Variants in MACROD2 observed in about 807,000 individuals in gnomAD.
The protein encoded by MACROD2 is mono-ADP ribosylhydrolase 2.
A neutral mutation model predicts 70.4 loss-of-function variants in MACROD2; 36 were observed. The observed-to-expected ratio is 0.51, with a 90% CI of 0.39 to 0.68. The LOEUF (loss-of-function observed/expected upper bound fraction) is 0.68. MACROD2 is among the 30% of genes least tolerant of loss of function. MACROD2 has a pLI of 0.00. For missense variants in MACROD2, 496 were observed against 538.4 expected, an observed-to-expected ratio of 0.92 and a Z score of 0.78; for synonymous variants, 172 against 178.8, an observed-to-expected ratio of 0.96 and a Z score of 0.30.
chr20:15,752,346 G>A (rs149193727), intron 8 of MACROD2, among the ~76,000 whole-genome samples: 230 of 152,020 alleles, frequency 1.5e-3, no homozygotes, highest in African/African-American at 5.1e-3. Context: ...GGGAAGAAAA[G>A]GTTAGTCTAT....
intron 9 of MACROD2, among the ~76,000 whole-genome samples, chr20:15,871,144 C>T (rs184896418): frequency 6.9e-6 from 1 of 144,836 alleles, no homozygotes; most frequent in African/African-American, 2.6e-5. Flanking sequence ...CCATTGCACT[C>T]CAGTCTGGGT....
intron 15 of MACROD2, among the ~76,000 whole-genome samples, chr20:16,022,820 GAGACCTGT>G (rs1286837596): frequency 1.3e-5 from 2 of 152,178 alleles, no homozygotes; most frequent in African/African-American, 2.4e-5. Context: ...TATAAGACCT[GAGACCTGT>G]AGCACAAATG....
intron 5 of MACROD2, among the ~76,000 whole-genome samples, chr20:15,201,691 T>G (rs2076657332): frequency 6.6e-6 from 1 of 152,174 alleles, no homozygotes; most frequent in Non-Finnish European, 1.5e-5. Context: ...ATTAATTATT[T>G]TTCCCCTTAC....
intron 3 of MACROD2, among the ~76,000 whole-genome samples, chr20:14,124,939 G>T (rs935310060): frequency 6.6e-6 from 1 of 152,134 alleles, no homozygotes; most frequent in African/African-American, 2.4e-5. Context: ...ACAAAATGTG[G>T]TCTATCCATA....
At position 15,658,225 on chromosome 20, in the gene MACROD2, CTT is replaced by C. The variant is rs11296773; in HGVS notation, c.645+158392_645+158393del. Among the ~76,000 whole-genome samples, 158 of 140,892 alleles carry C rather than the reference CTT, an allele frequency of 1.1e-3. No individual in the cohort carries two copies. The South Asian group carries it at 0.018, about 16-fold the overall frequency. 92.4% of individuals were successfully genotyped at this position (140,892 alleles called of 152,430 possible). On this transcript the variant is annotated intron_variant, in intron 8 of 17. Coordinates refer to ENST00000684519, the MANE Select transcript of MACROD2 (RefSeq NM_001351661.2). ...AAGCTTTTTTCTTTTCTCTCTCTCT[CTT>C]TTTTTTTTTTTTTAACTTGAATATC...
At chr20:14,858,343 C>G (rs1002617556) in intron 5 of MACROD2, among the ~76,000 whole-genome samples, 1 of 152,006 alleles carries the variant, frequency 6.6e-6, no homozygotes, top group Non-Finnish European at 1.5e-5. Context: ...CTGTTGAGCC[C>G]TTGGACCCCA....
intron 8 of MACROD2, among the ~76,000 whole-genome samples, chr20:15,786,048 A>G (rs2051920436): frequency 6.6e-6 from 1 of 152,122 alleles, no homozygotes; most frequent in South Asian, 2.1e-4. Flanking sequence ...ATAAAAAGTA[A>G]TGGCATAACA....
rs577918222 is a variant in MACROD2 at position 14,442,804 on chromosome 20, C to T, written c.272-50675C>T. 6.6e-5 allele frequency among the ~76,000 whole-genome samples: 10 copies of T among 152,156 alleles called. No individual in the cohort carries two copies. The South Asian group carries it at 1.5e-3, about 22-fold the overall frequency. ...GAAATGAGAACTACAGGGCCGGGCA[C>T]GGTGGCTCACGCCTGTAATCCCAGC... On this transcript the variant is annotated intron_variant, in intron 3 of 17. Transcript: ENST00000684519.
At chr20:15,432,084 A>G (rs935637332) in intron 7 of MACROD2, among the ~76,000 whole-genome samples, 6 of 152,024 alleles carry the variant, frequency 3.9e-5, no homozygotes, top group African/African-American at 1.4e-4. Context: ...CAGACCATTA[A>G]TAAGTCTGTT....
intron 5 of MACROD2, among the ~76,000 whole-genome samples, chr20:14,941,407 C>G (rs944898467): frequency 6.6e-6 from 1 of 152,002 alleles, no homozygotes; most frequent in Non-Finnish European, 1.5e-5. Context: ...GGACAGGTCT[C>G]CTGCTAGGGA....
At chr20:14,132,741 C>T (rs1005238308) in intron 3 of MACROD2, among the ~76,000 whole-genome samples, 10 of 152,052 alleles carry the variant, frequency 6.6e-5, no homozygotes, top group Admixed American at 1.3e-4. Context: ...CAGCCTCAAG[C>T]GATCCTCTTT....
chr20:15,391,123 A>G (rs1251309518), intron 6 of MACROD2, among the ~76,000 whole-genome samples: 2 of 152,188 alleles, frequency 1.3e-5, no homozygotes, highest in Non-Finnish European at 1.5e-5. Context: ...TATGATAACA[A>G]GTAGAAAGGA....
chr20:15,068,212 C>A (rs529969728), intron 5 of MACROD2, among the ~76,000 whole-genome samples: 1 of 152,166 alleles, frequency 6.6e-6, no homozygotes. Flanking sequence ...CAGATGGTCA[C>A]TGAATAATTG....
intron 8 of MACROD2, among the ~76,000 whole-genome samples, chr20:15,685,008 C>T (rs1600757584): frequency 6.6e-6 from 1 of 151,926 alleles, no homozygotes; most frequent in Non-Finnish European, 1.5e-5. Context: ...GCGACTTCCT[C>T]AAGAAAAAGT....
intron 9 of MACROD2, among the ~76,000 whole-genome samples, chr20:15,884,245 A>T (rs1216725688): frequency 6.6e-6 from 1 of 152,072 alleles, no homozygotes; most frequent in Non-Finnish European, 1.5e-5. Context: ...AAACCTGGGG[A>T]AATCAGAAGC....
intron 4 of MACROD2, among the ~76,000 whole-genome samples, chr20:14,540,439 A>G (rs1468820696): frequency 6.6e-6 from 1 of 152,114 alleles, no homozygotes; most frequent in Non-Finnish European, 1.5e-5. Context: ...CTATTTTTAT[A>G]TTAAACAGAA....
chr20:14,986,866 A>C (rs1454942226), intron 5 of MACROD2, among the ~76,000 whole-genome samples: 1 of 152,186 alleles, frequency 6.6e-6, no homozygotes, highest in Non-Finnish European at 1.5e-5. Flanking sequence ...AGGCAAAAAA[A>C]GTATGACTGC....
chr20:15,801,808 A>G (rs567413083), intron 8 of MACROD2, among the ~76,000 whole-genome samples: 3 of 152,194 alleles, frequency 2.0e-5, no homozygotes, highest in South Asian at 2.1e-4. Context: ...CATTTTTATT[A>G]TATCAGTTCT....
chr20:14,007,550 C>A (rs2052840611), intron 2 of MACROD2, among the ~76,000 whole-genome samples: 1 of 151,882 alleles, frequency 6.6e-6, no homozygotes. Flanking sequence ...AACAATAGGC[C>A]CAGGATATGG....
Sources: gnomAD v4.1 joint callset for allele counts (sites outside exome capture counted in the v4.1 genomes callset) on GRCh38, gnomAD v4.1.1 for gene constraint, MANE v1.5 for transcripts, NCBI Gene and HGNC (gene_info 2026-07-23, HGNC 2026-07-21) for gene names.